The following NAALADL2 variants were observed in gnomAD, a reference collection of about 807,000 sequenced individuals.
NAALADL2 encodes inactive N-acetylated-alpha-linked acidic dipeptidase-like protein 2.
NAALADL2 carries 76 observed loss-of-function variants against 87.2 expected under a neutral mutation model. That is an observed-to-expected ratio of 0.87 (90% CI 0.72 to 1.05). The LOEUF is 1.05. NAALADL2 is among the 50% of genes least tolerant of loss of function. The pLI, the probability that NAALADL2 is intolerant of heterozygous loss-of-function variation, is 0.00. For synonymous variants in NAALADL2, 354 were observed against 331.0 expected, an observed-to-expected ratio of 1.07 and a Z score of -0.75; for missense variants, 1,089 against 945.8, an observed-to-expected ratio of 1.15 and a Z score of -1.99.
At chr3:174,991,679 A>G (rs1265620970) in intron 1 of NAALADL2, among the ~76,000 whole-genome samples, 1 of 152,072 alleles carries the variant, frequency 6.6e-6, no homozygotes, top group Non-Finnish European at 1.5e-5. Flanking sequence ...AAGTGATAAA[A>G]GCTGTCCTTG....
At chr3:175,074,586 C>T (rs936410418) in intron 1 of NAALADL2, among the ~76,000 whole-genome samples, 2 of 151,936 alleles carry the variant, frequency 1.3e-5, no homozygotes, top group African/African-American at 2.4e-5. Flanking sequence ...TTGAACATTC[C>T]CTAGATACTT....
At chr3:175,258,035 G>C (rs892994981) in intron 4 of NAALADL2, among the ~76,000 whole-genome samples, 4 of 152,070 alleles carry the variant, frequency 2.6e-5, no homozygotes, top group African/African-American at 4.8e-5. Context: ...GGGGCCAGGC[G>C]CGGTGTCTCA....
chr3:175,324,786 G>A (rs1459633471), intron 5 of NAALADL2, among the ~76,000 whole-genome samples: 1 of 152,158 alleles, frequency 6.6e-6, no homozygotes, highest in Non-Finnish European at 1.5e-5. Flanking sequence ...TAGAAGAATG[G>A]ATTTAATATG....
intron 3 of NAALADL2, among the ~76,000 whole-genome samples, chr3:175,237,883 G>T (rs957039941): frequency 6.6e-6 from 1 of 152,036 alleles, no homozygotes; most frequent in African/African-American, 2.4e-5. Context: ...ATCTTTCACA[G>T]TTAAGGCAAT....
At chr3:175,292,792 C>T (rs1755802553) in intron 4 of NAALADL2, among the ~76,000 whole-genome samples, 2 of 152,046 alleles carry the variant, frequency 1.3e-5, no homozygotes, top group South Asian at 4.1e-4. Flanking sequence ...AATCCCAGCA[C>T]TTTGGGAGGC....
intron 3 of NAALADL2, among the ~76,000 whole-genome samples, chr3:174,758,153 T>C (rs970858819): frequency 9.2e-5 from 14 of 152,206 alleles, no homozygotes; most frequent in African/African-American, 3.4e-4. Context: ...AAGACCCCTG[T>C]CCTGGCTCCC....
intron 2 of NAALADL2, among the ~76,000 whole-genome samples, chr3:175,170,475 AATATAAT>A (rs1368819398): frequency 6.8e-6 from 1 of 146,906 alleles, no homozygotes; most frequent in Non-Finnish European, 1.5e-5. Context: ...ATATAAATAT[AATATAAT>A]ATATAAATAT....
chr3:175,273,479 T>G (rs1753145883), intron 4 of NAALADL2, among the ~76,000 whole-genome samples: 2 of 152,156 alleles, frequency 1.3e-5, no homozygotes, highest in Non-Finnish European at 2.9e-5. Context: ...ACCTTCCATG[T>G]TAGTATCTTC....
chr3:174,885,679 T>C (rs910400920), intron 1 of NAALADL2, among the ~76,000 whole-genome samples: 2 of 151,946 alleles, frequency 1.3e-5, no homozygotes, highest in Admixed American at 1.3e-4. Context: ...AAGAACTCCA[T>C]CCTTAATATT....
chr3:174,590,327 C>T (rs1295630325), intron 2 of NAALADL2, among the ~76,000 whole-genome samples: 1 of 151,920 alleles, frequency 6.6e-6, no homozygotes, highest in Non-Finnish European at 1.5e-5. Context: ...GCCTTTTATC[C>T]TGGTATTTAA....
rs11430705 is a variant in NAALADL2 at position 175,267,034 on chromosome 3, T to TAA, written c.939+10515_939+10516dup. ...TTTCTTAGCTTTAGAGTAAAACTAG[T>TAA]AAAAAAAAAAAAGTGTGCTAATTGA... On this transcript the variant is annotated intron_variant, in intron 4 of 13. Coordinates refer to ENST00000454872, the MANE Select transcript of NAALADL2 (RefSeq NM_207015.3). Among the ~76,000 whole-genome samples the TAA allele has an allele frequency of 3.8e-3, 557 of 146,904 alleles. 4 individuals carry two copies. Among genetic ancestry groups the TAA allele is most frequent in the African/African-American group, 0.01 (407 of 40,400 alleles).
chr3:174,675,304 A>T (rs745944923), intron 2 of NAALADL2, among the ~76,000 whole-genome samples: 14 of 152,172 alleles, frequency 9.2e-5, no homozygotes, highest in Non-Finnish European at 1.6e-4. Context: ...GAGCTGCTGC[A>T]GAAATGGGTT....
At position 174,501,269 on chromosome 3, in the gene NAALADL2, G is replaced by A. The variant is rs1356121569; in HGVS notation, c.-183-49300G>A. On this transcript the variant is annotated intron_variant, in intron 1 of 3. Coordinates refer to the NAALADL2 transcript ENST00000434257. ...AATTTTTTGTATTTTTAGTAGAGAC[G>A]GGGTTTCACCGTTTTAGCCGGGATG... is the stretch of plus-strand genomic sequence containing the variant. Among the ~76,000 whole-genome samples, 3 of 149,272 alleles carry A rather than the reference G, an allele frequency of 2.0e-5. 1 individual carries two copies. The highest frequency in any genetic ancestry group is 7.7e-5 in the African/African-American group (3 of 39,132).
chr3:174,642,223 G>A (rs1452102652), intron 2 of NAALADL2, among the ~76,000 whole-genome samples: 4 of 151,932 alleles, frequency 2.6e-5, no homozygotes, highest in South Asian at 2.1e-4. Flanking sequence ...GTTGTTTTCC[G>A]GGCACAGTGG....
At chr3:175,256,935 C>CT (rs1750063271) in intron 4 of NAALADL2, 1 of 152,516 alleles carries the variant, frequency 6.6e-6, no homozygotes, top group Admixed American at 6.6e-5. Flanking sequence ...ATCATGTTCT[C>CT]TATGTTAGAC....
intron 2 of NAALADL2, among the ~76,000 whole-genome samples, chr3:174,708,999 C>A (rs1560162152): frequency 6.6e-6 from 1 of 151,966 alleles, no homozygotes; most frequent in South Asian, 2.1e-4. Flanking sequence ...ACTTCTCAAC[C>A]CAACATGATT....
intron 5 of NAALADL2, among the ~76,000 whole-genome samples, chr3:175,360,010 T>C (rs894328534): frequency 6.6e-6 from 1 of 152,168 alleles, no homozygotes; most frequent in Non-Finnish European, 1.5e-5. Flanking sequence ...ATTTTGTGAA[T>C]GTTAAATTGA....
At chr3:174,528,054 G>A (rs1720923292) in intron 1 of NAALADL2, among the ~76,000 whole-genome samples, 1 of 152,118 alleles carries the variant, frequency 6.6e-6, no homozygotes, top group Admixed American at 6.6e-5. Context: ...TGCAACAGGT[G>A]CCGTGTGGCC....
At chr3:175,137,731 C>T (rs1729337455) in intron 2 of NAALADL2, among the ~76,000 whole-genome samples, 1 of 151,456 alleles carries the variant, frequency 6.6e-6, no homozygotes, top group African/African-American at 2.4e-5. Flanking sequence ...TCCCAAGTAG[C>T]TGGGATTACA....
Sources: allele counts gnomAD v4.1 joint callset (sites outside exome capture counted in the v4.1 genomes callset), GRCh38; gene constraint gnomAD v4.1.1; transcripts MANE v1.5; gene names NCBI Gene and HGNC (gene_info 2026-07-23, HGNC 2026-07-21).